Variants in SMIM14 observed in about 807,000 individuals in gnomAD.
SMIM14 encodes chromosome 4 open reading frame 34.
SMIM14 carries 5 observed loss-of-function variants against 12.6 expected under a neutral mutation model. The observed-to-expected ratio is 0.40, with a 90% CI of 0.21 to 0.83. The LOEUF is 0.83. Ranked by LOEUF, SMIM14 falls within the 40% of genes least tolerant of loss-of-function variation. The pLI is 0.37. For synonymous variants in SMIM14, 30 were observed against 40.1 expected (o/e 0.75, Z 0.95); for missense variants, 86 against 119.1 (o/e 0.72, Z 1.29).
At chr4:39,608,627 C>T (rs1049954463) in intron 1 of SMIM14, among the ~76,000 whole-genome samples, 1 of 152,142 alleles carries the variant, frequency 6.6e-6, no homozygotes, top group Non-Finnish European at 1.5e-5. Flanking sequence ...AGAATGGTGA[C>T]TTCTAGGGAC....
intron 2 of SMIM14, among the ~76,000 whole-genome samples, chr4:39,599,226 T>C (rs1328487591): frequency 2.0e-5 from 3 of 152,034 alleles, no homozygotes; most frequent in Non-Finnish European, 4.4e-5. Context: ...GTGTGTGACC[T>C]GTTTTCCAGG....
At chr4:39,598,487 T>C (rs1372256780) in intron 2 of SMIM14, among the ~76,000 whole-genome samples, 1 of 152,172 alleles carries the variant, frequency 6.6e-6, no homozygotes, top group Non-Finnish European at 1.5e-5. Flanking sequence ...CCATGTTAAA[T>C]ACCCATAGAT....
chr4:39,623,176 G>A (rs1440894231), intron 1 of SMIM14, among the ~76,000 whole-genome samples: 1 of 151,906 alleles, frequency 6.6e-6, no homozygotes, highest in African/African-American at 2.4e-5. Context: ...CAATACCTGG[G>A]GTCTAGTTTA....
At chr4:39,633,865 T>TG (rs982641960) in intron 1 of SMIM14, among the ~76,000 whole-genome samples, 11 of 152,340 alleles carry the variant, frequency 7.2e-5, no homozygotes, top group African/African-American at 2.6e-4. Flanking sequence ...CAAATTTACT[T>TG]GAAGCCTGGT....
chr4:39,590,021 T>TAAA (rs1468454855), intron 2 of SMIM14, among the ~76,000 whole-genome samples: 1 of 65,906 alleles, frequency 1.5e-5, no homozygotes, highest in East Asian at 5.1e-4. Context: ...AGACTCTGTT[T>TAAA]CAAAAAAAAA....
At chr4:39,637,477 T>C (rs935571466) in intron 1 of SMIM14, among the ~76,000 whole-genome samples, 9 of 151,940 alleles carry the variant, frequency 5.9e-5, no homozygotes, top group Non-Finnish European at 4.4e-5. Flanking sequence ...TCATAACTCT[T>C]CCTGGGTTTG....
rs1391367932 is a variant in SMIM14 at position 39,547,080 on chromosome 4, T to C, written c.*5046A>G. 6.6e-6 allele frequency: 1 copy of C among 152,178 alleles called. No individual in the cohort carries two copies. 9.4% of individuals were successfully genotyped at this position (152,178 alleles called of 1,614,324 possible). A position where few individuals can be genotyped will look rare whatever the true frequency, so the allele number is the denominator to read the frequency against. ...AATAACCAAAGAAATGTGACTGCAA[T>C]CTAATTTCCAAGAGAGAAACTCTAC... On this transcript the variant is annotated 3_prime_UTR_variant, in exon 5 of 5. Coordinates refer to ENST00000295958, the MANE Select transcript of SMIM14 (RefSeq NM_174921.3).
intron 1 of SMIM14, among the ~76,000 whole-genome samples, chr4:39,632,727 G>A (rs1248008033): frequency 1.3e-5 from 2 of 149,066 alleles, no homozygotes; most frequent in African/African-American, 5.0e-5. Context: ...GCAATGAGCC[G>A]AGATCGCCCC....
intron 2 of SMIM14, among the ~76,000 whole-genome samples, chr4:39,588,336 G>A (rs1421597405): frequency 1.3e-5 from 2 of 152,152 alleles, no homozygotes; most frequent in Non-Finnish European, 2.9e-5. Flanking sequence ...GAGGCCAGGA[G>A]TTTGAGACCA....
intron 3 of SMIM14, among the ~76,000 whole-genome samples, chr4:39,562,603 C>T (rs1400516306): frequency 6.6e-6 from 1 of 152,086 alleles, no homozygotes; most frequent in Admixed American, 6.5e-5. Flanking sequence ...ATCCTCTCAC[C>T]TTAGCCTCCT....
chr4:39,582,676 G>A (rs72624133), intron 2 of SMIM14, among the ~76,000 whole-genome samples: 12 of 98,782 alleles, frequency 1.2e-4, no homozygotes, highest in Non-Finnish European at 1.4e-4. Flanking sequence ...AAAAAAAAAA[G>A]AAAGGGTCTT....
intron 2 of SMIM14, among the ~76,000 whole-genome samples, chr4:39,591,446 T>C (rs570439044): frequency 2.0e-5 from 3 of 152,238 alleles, no homozygotes; most frequent in African/African-American, 7.2e-5. Flanking sequence ...AATTAAATCA[T>C]AGAAAGGACC....
At chr4:39,578,670 G>A (rs542224432) in intron 2 of SMIM14, among the ~76,000 whole-genome samples, 16 of 152,186 alleles carry the variant, frequency 1.1e-4, no homozygotes, top group African/African-American at 3.8e-4. Flanking sequence ...AAGGATGGTC[G>A]TGAAAGTTCT....
At chr4:39,569,385 T>C (rs1274313377) in intron 3 of SMIM14, among the ~76,000 whole-genome samples, 2 of 152,168 alleles carry the variant, frequency 1.3e-5, no homozygotes, top group Admixed American at 1.3e-4. Context: ...GTATAACAAG[T>C]CTCTTTACAA....
intron 3 of SMIM14, among the ~76,000 whole-genome samples, chr4:39,568,618 C>T (rs1358674398): frequency 1.3e-5 from 2 of 152,148 alleles, no homozygotes; most frequent in South Asian, 4.1e-4. Flanking sequence ...CAAATTCCCA[C>T]GATCCTAAAA....
At chr4:39,589,646 CAGG>C (rs1391709654) in intron 2 of SMIM14, 2 of 152,152 alleles carry the variant, frequency 1.3e-5, no homozygotes, top group East Asian at 1.9e-4. Context: ...AGCAGAACAA[CAGG>C]AGAAGACGGC....
intron 1 of SMIM14, among the ~76,000 whole-genome samples, chr4:39,621,485 T>G (rs1232594211): frequency 6.6e-6 from 1 of 152,084 alleles, no homozygotes; most frequent in Admixed American, 6.6e-5. Context: ...CAAATCCAGA[T>G]GTTAAAAAAA....
chr4:39,576,542 A>G (rs1373957194), intron 2 of SMIM14, among the ~76,000 whole-genome samples: 1 of 150,524 alleles, frequency 6.6e-6, no homozygotes, highest in Non-Finnish European at 1.5e-5. Flanking sequence ...TAACCTCAGA[A>G]CCAAATGCTC....
intron 2 of SMIM14, among the ~76,000 whole-genome samples, chr4:39,595,838 AGACT>A (rs1714336478): frequency 6.6e-6 from 1 of 151,624 alleles, no homozygotes; most frequent in Non-Finnish European, 1.5e-5. Flanking sequence ...TCAAACTCCT[AGACT>A]CAAGTGATCG....
Sources: allele counts gnomAD v4.1 joint callset (sites outside exome capture counted in the v4.1 genomes callset), GRCh38; gene constraint gnomAD v4.1.1; transcripts MANE v1.5; gene names NCBI Gene and HGNC (gene_info 2026-07-23, HGNC 2026-07-21).